Variants in NUMB observed in about 807,000 individuals in gnomAD.
NUMB encodes NUMB endocytic adaptor protein.
In NUMB, 29 loss-of-function variants were observed where a neutral mutation model predicts 59.7. The ratio of observed to expected loss-of-function variants is 0.49; its 90% confidence interval spans 0.36 to 0.66. The LOEUF is 0.66. Among genes scored for constraint, NUMB ranks in the 30% least tolerant of loss-of-function variants. The pLI is 0.00. For synonymous variants in NUMB, 288 were observed against 288.2 expected, an observed-to-expected ratio of 1.00 and a Z score of 0.01; for missense variants, 723 against 822.0, an observed-to-expected ratio of 0.88 and a Z score of 1.47.
At chr14:73,348,319 G>A (rs542650915) in intron 4 of NUMB, among the ~76,000 whole-genome samples, 3 of 152,258 alleles carry the variant, frequency 2.0e-5, no homozygotes, top group African/African-American at 7.2e-5. Context: ...CTACAGAAAG[G>A]ATTTCAAAAA....
Position 73,316,478 on chromosome 14 carries a change from G to A in NUMB, c.202-56C>T, listed in dbSNP as rs1891091216. 2.6e-6 allele frequency: 4 copies of A among 1,518,172 alleles called. No individual in the cohort carries two copies. In the Middle Eastern group the frequency reaches 6.8e-4, roughly 258 times the overall value. The allele number at this position is 1,518,172 out of a possible 1,614,324, so 94.0% of individuals were successfully genotyped here. ...ATTATTGTATGGCCTAAATGTCCCA[G>A]AGTTTCACACCAATAAGCACATACA... is the stretch of plus-strand genomic sequence containing the variant. On this transcript the variant is annotated intron_variant, in intron 5 of 12. Coordinates refer to ENST00000555238, the MANE Select transcript of NUMB (RefSeq NM_001005743.2).
intron 5 of NUMB, among the ~76,000 whole-genome samples, chr14:73,319,794 G>A (rs1024382841): frequency 9.9e-5 from 15 of 152,116 alleles, no homozygotes; most frequent in Admixed American, 2.6e-4. Flanking sequence ...AAAGACTTCC[G>A]ATTTTCTGCA....
Position 73,419,649 on chromosome 14 carries a change from A to G in NUMB, c.-232-9581T>C, listed in dbSNP as rs185191681. ...AATGAATATGCAGTTTATGGTCAAA[A>G]TAAGTAAAACGGGGAGCTAAGTCTG... On this transcript the variant is annotated intron_variant, in intron 1 of 12. Transcript: ENST00000555238. 1.9e-4 allele frequency among the ~76,000 whole-genome samples: 29 copies of G among 152,302 alleles called. No individual in the cohort carries two copies. In the East Asian group the frequency reaches 3.7e-3, roughly 19 times the overall value.
chr14:73,431,439 A>G (rs1239350543), intron 1 of NUMB, among the ~76,000 whole-genome samples: 1 of 150,914 alleles, frequency 6.6e-6, no homozygotes, highest in Admixed American at 6.6e-5. Context: ...TATTTTTAGT[A>G]GAGACAGGGT....
In NUMB at chr14:73,377,994, T is replaced by TACACAC. The variant is rs61489875; in HGVS notation, c.-100-11019_-100-11014dup. Among the ~76,000 whole-genome samples, 968 of 146,574 alleles carry TACACAC rather than the reference T, an allele frequency of 6.6e-3. 16 individuals carry two copies. The highest frequency in any genetic ancestry group is 3.5e-3 in the Middle Eastern group (1 of 282). ...ATACATATAGATATATATATACACATACACACACACACACACACACACACA... is the reference window on the plus strand; with the variant it reads ...ATACATATAGATATATATATACACATACACACACACACACACACACACACACACACA... On this transcript the variant is annotated intron_variant, in intron 2 of 12. Coordinates refer to ENST00000555238, the MANE Select transcript of NUMB (RefSeq NM_001005743.2).
chr14:73,361,026 C>CTA (rs1328924319), intron 3 of NUMB, among the ~76,000 whole-genome samples: 1 of 152,066 alleles, frequency 6.6e-6, no homozygotes, highest in Non-Finnish European at 1.5e-5. Context: ...GTAGCTGGAA[C>CTA]TATAGGTGCA....
intron 1 of NUMB, among the ~76,000 whole-genome samples, chr14:73,449,738 G>C (rs560806986): frequency 6.6e-6 from 1 of 152,276 alleles, no homozygotes; most frequent in East Asian, 1.9e-4. Context: ...CTGTCGCCCA[G>C]GCTGGAGTGC....
chr14:73,352,200 T>C (rs1021073205), intron 4 of NUMB, among the ~76,000 whole-genome samples: 1 of 151,386 alleles, frequency 6.6e-6, no homozygotes, highest in Non-Finnish European at 1.5e-5. Flanking sequence ...CATTCTTTCC[T>C]CTTGTCACCC....
chr14:73,327,848 G>C (rs1447363869), intron 4 of NUMB, among the ~76,000 whole-genome samples: 2 of 152,040 alleles, frequency 1.3e-5, no homozygotes, highest in African/African-American at 4.8e-5. Context: ...AATCAAGTCT[G>C]ATCACTCTCA....
At chr14:73,278,693 TGGATTCTCTGA>T (rs1215876202) in intron 12 of NUMB, among the ~76,000 whole-genome samples, 1 of 150,104 alleles carries the variant, frequency 6.7e-6, no homozygotes, top group Non-Finnish European at 1.5e-5. Context: ...AATCCGGTGA[TGGATTCTCTGA>T]GGTGGGGCCC....
At chr14:73,363,031 C>T (rs546691340) in intron 3 of NUMB, among the ~76,000 whole-genome samples, 1 of 152,268 alleles carries the variant, frequency 6.6e-6, no homozygotes, top group South Asian at 2.1e-4. Flanking sequence ...TGCAGTGGCT[C>T]ATGCCTGTAA....
At chr14:73,323,044 C>G (rs1891487857) in intron 5 of NUMB, 86 bp downstream of exon 5, 1 of 965,358 alleles carries the variant, frequency 1.0e-6, no homozygotes, top group African/African-American at 1.6e-5. Context: ...ACAGTTTTTA[C>G]TGGGTCACTA....
At chr14:73,362,261 A>G (rs913786093) in intron 3 of NUMB, among the ~76,000 whole-genome samples, 1 of 152,162 alleles carries the variant, frequency 6.6e-6, no homozygotes, top group Non-Finnish European at 1.5e-5. Context: ...TGTCTCAAAA[A>G]AAAAATGCTA....
chr14:73,451,170 AAAAAC>A (rs1883929540), intron 1 of NUMB, among the ~76,000 whole-genome samples: 2 of 117,920 alleles, frequency 1.7e-5, no homozygotes, highest in Admixed American at 1.8e-4. Context: ...AAAAAAAAAA[AAAAAC>A]AAAAAACAAA....
At chr14:73,413,676 T>C (rs1400540201) in intron 1 of NUMB, among the ~76,000 whole-genome samples, 1 of 151,940 alleles carries the variant, frequency 6.6e-6, no homozygotes, top group Non-Finnish European at 1.5e-5. Context: ...AAGAATCGCT[T>C]GAACCCAGGA....
At chr14:73,308,355 A>G (rs1890580834) in intron 6 of NUMB, among the ~76,000 whole-genome samples, 1 of 152,182 alleles carries the variant, frequency 6.6e-6, no homozygotes, top group South Asian at 2.1e-4. Flanking sequence ...TAGGAGAGAA[A>G]GATCCTTCTC....
chr14:73,398,392 C>CACAGAG (rs1491161864), intron 2 of NUMB, among the ~76,000 whole-genome samples: 2 of 133,754 alleles, frequency 1.5e-5, no homozygotes, highest in African/African-American at 5.7e-5. Context: ...GAGACACACA[C>CACAGAG]AGAGAGAGAG....
intron 2 of NUMB, among the ~76,000 whole-genome samples, chr14:73,374,091 A>T (rs998382392): frequency 6.6e-6 from 1 of 152,148 alleles, no homozygotes; most frequent in African/African-American, 2.4e-5. Context: ...GCTGGTCTCG[A>T]ACCCCTGACC....
At chr14:73,345,389 T>C (rs144974005) in intron 4 of NUMB, among the ~76,000 whole-genome samples, 1 of 152,296 alleles carries the variant, frequency 6.6e-6, no homozygotes, top group Admixed American at 6.5e-5. Flanking sequence ...TCAGGTACCA[T>C]GCTCACTACC....
Sources: allele counts gnomAD v4.1 joint callset (sites outside exome capture counted in the v4.1 genomes callset), GRCh38; gene constraint gnomAD v4.1.1; transcripts MANE v1.5; gene names NCBI Gene and HGNC (gene_info 2026-07-23, HGNC 2026-07-21).